Variants in PRMT7 observed in about 807,000 individuals in gnomAD.
The protein encoded by PRMT7 is protein arginine N-methyltransferase 7.
PRMT7 carries 75 observed loss-of-function variants against 85.4 expected under a neutral mutation model. That is an observed-to-expected ratio of 0.88 (90% confidence interval 0.73 to 1.06). The LOEUF (loss-of-function observed/expected upper bound fraction) is 1.06, where lower values mean the gene tolerates loss of function less well. Ranked by LOEUF, PRMT7 falls within the 50% of genes least tolerant of loss-of-function variation. PRMT7 has a pLI of 0.00. For synonymous variants in PRMT7, 397 were observed against 359.5 expected (o/e 1.10, Z -1.18); for missense variants, 868 against 915.2 (o/e 0.95, Z 0.67).
At chr16:68,356,257 C>T (rs1284160678) in intron 17 of PRMT7, among the ~76,000 whole-genome samples, 1 of 152,230 alleles carries the variant, frequency 6.6e-6, no homozygotes, top group East Asian at 1.9e-4. Flanking sequence ...GGACGGGCAG[C>T]CCTGTCCTGC....
intron 5 of PRMT7, among the ~76,000 whole-genome samples, chr16:68,327,330 T>C (rs1391346839): frequency 6.6e-6 from 1 of 152,200 alleles, no homozygotes; most frequent in African/African-American, 2.4e-5. Flanking sequence ...CTAGAGCTCT[T>C]GGGGCTGTGG....
intron 11 of PRMT7, 62 bp downstream of exon 11, chr16:68,346,342 C>T: frequency 6.2e-7 from 1 of 1,601,004 alleles, no homozygotes; most frequent in East Asian, 2.2e-5. Flanking sequence ...GTCCCATGAA[C>T]CCCAGCACTT....
intron 6 of PRMT7, among the ~76,000 whole-genome samples, 187 bp from the exon 7 acceptor site, chr16:68,337,272 T>G (rs1003823607): frequency 2.6e-5 from 4 of 152,106 alleles, no homozygotes; most frequent in African/African-American, 9.7e-5. Flanking sequence ...CATTTACATA[T>G]GGATTTTTTT....
At chr16:68,324,890 C>G (rs755561585) in intron 5 of PRMT7, 58 bp downstream of exon 5, 238 of 1,592,282 alleles carry the variant, frequency 1.5e-4, no homozygotes, top group Non-Finnish European at 2.0e-4. Flanking sequence ...CCCCTATGCT[C>G]TTGCACTTTC....
chr16:68,358,600 AAGTTAAAAAGCAAT>A (rs1302431000), downstream of PRMT7: 7 of 152,712 alleles, frequency 4.6e-5, no homozygotes, highest in African/African-American at 9.6e-5. Context: ...AAATCTCAGC[AAGTTAAAAAGCAAT>A]AGTTAAAAAG....
At chr16:68,337,317 A>G (rs2084851163) in intron 6 of PRMT7, 142 bp from the exon 7 acceptor site, 1 of 565,766 alleles carries the variant, frequency 1.8e-6, no homozygotes, top group South Asian at 2.7e-5. Context: ...AGTTGCAGAC[A>G]TCCTGACACT....
chr16:68,324,335 C>G (rs2082851527), intron 4 of PRMT7: 1 of 277,142 alleles, frequency 3.6e-6, no homozygotes, highest in African/African-American at 2.3e-5. Context: ...CAGCAGCATG[C>G]AGAAAGGAGC....
At chr16:68,326,595 A>G (rs949207533) in intron 5 of PRMT7, among the ~76,000 whole-genome samples, 5 of 152,182 alleles carry the variant, frequency 3.3e-5, no homozygotes, top group African/African-American at 1.2e-4. Context: ...AATTTCTATT[A>G]TAGCAAACCT....
In PRMT7 at chr16:68,317,431, A is replaced by G. The variant is rs146449598; in HGVS notation, c.95+1357A>G. 6.3e-4 allele frequency among the ~76,000 whole-genome samples: 96 copies of G among 152,226 alleles called. 1 individual carries two copies. The South Asian group carries it at 8.5e-3, about 13-fold the overall frequency. On this transcript the variant is annotated intron_variant, in intron 3 of 18. Coordinates refer to ENST00000441236, the MANE Select transcript of PRMT7 (RefSeq NM_019023.5). ...GATGAGCCAGATTGTGGCTGGGTGC[A>G]GTGGCCTACACCTGTAGTCCCAGCT...
intron 2 of PRMT7, among the ~76,000 whole-genome samples, chr16:68,313,405 A>G (rs945118735): frequency 2.0e-5 from 3 of 152,094 alleles, no homozygotes; most frequent in Admixed American, 1.3e-4. Context: ...GTATTTCAGG[A>G]CTCTACCATA....
At chr16:68,340,077 C>T in intron 9 of PRMT7, 109 bp downstream of exon 9, 4 of 1,215,976 alleles carry the variant, frequency 3.3e-6, no homozygotes, top group Non-Finnish European at 4.5e-6. Flanking sequence ...GACAGGAGGG[C>T]TGTGTCAGAA....
chr16:68,337,579 A>AC lies in PRMT7; in HGVS notation c.504+9dup. 1 of 1,587,204 alleles carries AC rather than the reference A, an allele frequency of 6.3e-7. No homozygotes were observed. Among genetic ancestry groups the AC allele is most frequent in the Non-Finnish European group, 8.6e-7 (1 of 1,159,534 alleles). On this transcript the variant is annotated intron_variant, in intron 7 of 18. Transcript: ENST00000441236. Reference sequence around the variant, plus strand: ...CACAGGCATCTCGTGGAGGTAGTAGACGGAGGGCTCCCTCAGACGTGTCTG... The same window carrying AC: ...CACAGGCATCTCGTGGAGGTAGTAGACCGGAGGGCTCCCTCAGACGTGTCTG...
At chr16:68,333,945 A>G (rs753423352) in intron 6 of PRMT7, among the ~76,000 whole-genome samples, 6 of 151,800 alleles carry the variant, frequency 4.0e-5, no homozygotes, top group Non-Finnish European at 7.4e-5. Flanking sequence ...TAATTTTTGT[A>G]TTTTTAGTAG....
intron 10 of PRMT7, 156 bp from the exon 11 acceptor site, chr16:68,345,989 C>T: frequency 2.2e-6 from 3 of 1,341,784 alleles, no homozygotes; most frequent in South Asian, 2.7e-5. Flanking sequence ...TCATGGGTTG[C>T]TGGAATCTGT....
intron 3 of PRMT7, among the ~76,000 whole-genome samples, chr16:68,320,157 C>CT (rs1219894272): frequency 1.3e-5 from 2 of 152,174 alleles, no homozygotes; most frequent in Non-Finnish European, 2.9e-5. Flanking sequence ...CAGATTGAGT[C>CT]TGAGTTTTTC....
At chr16:68,323,955 G>A (rs2082797165) in intron 4 of PRMT7, 1 of 152,200 alleles carries the variant, frequency 6.6e-6, no homozygotes. Flanking sequence ...GTTATTTTCT[G>A]ATGGGGAAAA....
At chr16:68,314,249 G>C (rs1018012538) in intron 2 of PRMT7, among the ~76,000 whole-genome samples, 1 of 152,158 alleles carries the variant, frequency 6.6e-6, no homozygotes, top group African/African-American at 2.4e-5. Context: ...GTTTGTTTTG[G>C]TGACGGAGTC....
chr16:68,357,115 A>G lies in PRMT7; in HGVS notation c.1970A>G (p.Asp657Gly). ...GTCTACTTCTTCAGCCCTGCCCCAG[A>G]TCCCAGAGCACTGCTGGGTGGCCCA... ...QAVYFFSPAP[D>G]PRALLGGPRT... The change falls in exon 19 of 19, where the codon GAT becomes GGT. Residue 657 changes from aspartate (D) to glycine (G), a missense_variant. By Grantham distance (94) the Asp-to-Gly change is moderately conservative. Transcript: ENST00000441236. 6.2e-7 allele frequency: 1 copy of G among 1,613,884 alleles called. No homozygotes were observed.
Position 68,344,594 on chromosome 16 carries a change from A to G in PRMT7, c.928-1081A>G, listed in dbSNP as rs375848128. On this transcript the variant is annotated intron_variant, in intron 9 of 18. Transcript: ENST00000441236. ...ATTCTGTGATTTGCATTTTTATGTG[A>G]ATATAACTTTTTTTTTTCTTTTGGG... is the stretch of plus-strand genomic sequence containing the variant. Among the ~76,000 whole-genome samples, 19 of 152,210 alleles carry G rather than the reference A, an allele frequency of 1.2e-4. No homozygotes were observed. In the East Asian group the frequency reaches 2.3e-3, roughly 19 times the overall value.
Sources: allele counts gnomAD v4.1 joint callset (sites outside exome capture counted in the v4.1 genomes callset), GRCh38; gene constraint gnomAD v4.1.1; transcripts MANE v1.5; gene names NCBI Gene and HGNC (gene_info 2026-07-23, HGNC 2026-07-21).